The following SORBS2 variants were observed in gnomAD, a reference collection of about 807,000 sequenced individuals.
SORBS2 encodes the protein sorbin and SH3 domain-containing protein 2.
Under a neutral mutation model 97.7 loss-of-function variants are expected in SORBS2, and 46 were observed. That is an observed-to-expected ratio of 0.47 (90% CI 0.37 to 0.60). SORBS2 has a LOEUF of 0.60. SORBS2 is among the 20% of genes least tolerant of loss of function. SORBS2 has a pLI of 0.00. For missense variants in SORBS2, 1,316 were observed against 1,282.3 expected (o/e 1.03, Z -0.40); for synonymous variants, 476 against 473.4 (o/e 1.01, Z -0.07).
chr4:185,816,775 T>C (rs1373383605), intron 1 of SORBS2, among the ~76,000 whole-genome samples: 1 of 152,134 alleles, frequency 6.6e-6, no homozygotes, highest in East Asian at 1.9e-4. Flanking sequence ...ACTTATCAAA[T>C]GAATTTAAAA....
At chr4:185,823,327 A>G (rs972195824) in intron 1 of SORBS2, among the ~76,000 whole-genome samples, 2 of 152,242 alleles carry the variant, frequency 1.3e-5, no homozygotes, top group Non-Finnish European at 2.9e-5. Flanking sequence ...TGTTCACATT[A>G]TATTTTAAAT....
At chr4:185,711,366 G>A (rs2098419387) in intron 2 of SORBS2, among the ~76,000 whole-genome samples, 1 of 152,150 alleles carries the variant, frequency 6.6e-6, no homozygotes, top group Non-Finnish European at 1.5e-5. Flanking sequence ...TAGTAATTGT[G>A]TAACAGATCT....
Position 185,623,360 on chromosome 4 carries a change from C to T in SORBS2, c.1769G>A (p.Arg590Lys), listed in dbSNP as rs760601599. ...AAGGCCAGGGTCCATTTCTTGCCTT[C>T]TGGGCTCCTCGGTGTTTTCGTGTCT... The change falls in exon 7 of 15, where the codon AGA becomes AAA. Residue 590 changes from arginine (R) to lysine (K), a missense_variant. Coordinates refer to ENST00000418609, the Ensembl canonical transcript of SORBS2. The surrounding 1 kb of genome is among the most constrained non-coding windows in gnomAD (Gnocchi z 6.4). 79 of 1,613,710 alleles carry T rather than the reference C, an allele frequency of 4.9e-5. 2 individuals carry two copies. In the South Asian group the frequency reaches 8.1e-4, roughly 17 times the overall value.
In SORBS2 at chr4:185,606,838, G is replaced by A. The variant is rs1363113363; in HGVS notation, c.2796+4942C>T. The stretch of plus-strand genomic sequence containing the variant: ...ATCTTCCTCTCCAATGACCGGAAGG[G>A]GTACAGGCAAGGAACCCACGCTGGT... On this transcript the variant is annotated intron_variant, in intron 12 of 14. Transcript: ENST00000418609. This position sits in a 1 kb window ranked among gnomAD's most constrained non-coding sequence, Gnocchi z 4.3. 2.2e-5 allele frequency: 22 copies of A among 985,202 alleles called. No homozygotes were observed. Among genetic ancestry groups the A allele is most frequent in the Non-Finnish European group, 2.5e-5 (21 of 829,918 alleles). The allele number at this position is 985,202 out of a possible 1,614,324, so 61.0% of individuals were successfully genotyped here.
At chr4:185,719,427 TCAGTTTTGTGACATATAGAGTAA>T (rs2098493494) in intron 2 of SORBS2, among the ~76,000 whole-genome samples, 1 of 152,234 alleles carries the variant, frequency 6.6e-6, no homozygotes, top group African/African-American at 2.4e-5. Flanking sequence ...CATTTGGTTA[TCAGTTTTGTGACATATAGAGTAA>T]CAGTTATAAG....
At chr4:185,925,962 T>C (rs772644355) in intron 1 of SORBS2, among the ~76,000 whole-genome samples, 1 of 152,184 alleles carries the variant, frequency 6.6e-6, no homozygotes, top group African/African-American at 2.4e-5. Flanking sequence ...ATTTCTTTGA[T>C]GGAAGGGAGG....
intron 2 of SORBS2, among the ~76,000 whole-genome samples, chr4:185,748,095 G>A (rs572079633): frequency 6.6e-6 from 1 of 152,226 alleles, no homozygotes; most frequent in Admixed American, 6.5e-5. Flanking sequence ...TTTATTTAAG[G>A]TACATTTTGT....
At chr4:185,733,934 G>A (rs1276109446) in intron 2 of SORBS2, 165 bp downstream of exon 3, 1 of 152,330 alleles carries the variant, frequency 6.6e-6, no homozygotes, top group African/African-American at 2.4e-5. Flanking sequence ...GTACGTGAAC[G>A]TCAAGGAGAT....
intron 1 of SORBS2, among the ~76,000 whole-genome samples, chr4:185,846,012 T>C (rs946269006): frequency 2.6e-5 from 4 of 152,252 alleles, no homozygotes; most frequent in Admixed American, 2.0e-4. Context: ...CTGTTAAACA[T>C]AAACTTCATG....
chr4:185,623,610 C>A lies in SORBS2; in HGVS notation c.1519G>T (p.Val507Phe). The A allele has an allele frequency of 6.2e-7, 1 of 1,614,012 alleles. No homozygotes were observed. Among genetic ancestry groups the A allele is most frequent in the East Asian group, 2.2e-5 (1 of 44,872 alleles). Reference sequence around the variant, plus strand: ...ATGTAGTCACTGTGGTCGGACACAACCCCGTCCTGGTCGCTGTCGGAAAAC... The same window carrying A: ...ATGTAGTCACTGTGGTCGGACACAAACCCGTCCTGGTCGCTGTCGGAAAAC... The change falls in exon 7 of 15, where the codon GTT becomes TTT. Residue 507 changes from valine to phenylalanine, a missense_variant. Transcript: ENST00000418609. The surrounding 1 kb of genome is among the most constrained non-coding windows in gnomAD (Gnocchi z 6.4).
intron 2 of SORBS2, among the ~76,000 whole-genome samples, chr4:185,718,146 G>A (rs1169634369): frequency 7.2e-5 from 11 of 152,058 alleles, no homozygotes; most frequent in African/African-American, 2.7e-4. Flanking sequence ...CAGGAGAATC[G>A]CTTGAGCCTG....
At chr4:185,704,536 C>T (rs1051197340) in intron 2 of SORBS2, among the ~76,000 whole-genome samples, 50 of 152,054 alleles carry the variant, frequency 3.3e-4, no homozygotes, top group Admixed American at 3.3e-3. Context: ...CTAGGCTAGT[C>T]TCGAGTTCCT....
At chr4:185,878,270 C>T (rs2099234795) in intron 1 of SORBS2, among the ~76,000 whole-genome samples, 1 of 152,062 alleles carries the variant, frequency 6.6e-6, no homozygotes, top group African/African-American at 2.4e-5. Flanking sequence ...AGAGTGGAAA[C>T]GTGAAAAAGT....
intron 1 of SORBS2, among the ~76,000 whole-genome samples, chr4:185,889,540 A>G (rs2099241431): frequency 6.6e-6 from 1 of 152,104 alleles, no homozygotes. Context: ...TGTGGCCTGC[A>G]TATTGGATAT....
chr4:185,683,527 A>ATACATCCAAGAAAAAC (rs1326444496), intron 2 of SORBS2, among the ~76,000 whole-genome samples: 2 of 152,148 alleles, frequency 1.3e-5, no homozygotes, highest in East Asian at 3.9e-4. Context: ...TCCAAGGTAA[A>ATACATCCAAGAAAAAC]TACATCTGTA....
rs183891676 is a variant in SORBS2, at chr4:185,940,945, G to A, written c.-338+15251C>T. ...ATGGATAGAGACATTTTTGGTGGTCGTTACTGGGAGTTGCTACTGGCATCT... is the reference window on the plus strand; with the variant it reads ...ATGGATAGAGACATTTTTGGTGGTCATTACTGGGAGTTGCTACTGGCATCT... On this transcript the variant is annotated intron_variant, in intron 1 of 20. Transcript: ENST00000284776. Among the ~76,000 whole-genome samples, 83 of 152,210 alleles carry A rather than the reference G, an allele frequency of 5.5e-4. 1 individual carries two copies. The highest frequency in any genetic ancestry group is 1.9e-3 in the African/African-American group (79 of 41,544).
At chr4:185,609,229 A>G (rs913582423) in intron 12 of SORBS2, among the ~76,000 whole-genome samples, 2 of 152,206 alleles carry the variant, frequency 1.3e-5, no homozygotes, top group Admixed American at 1.3e-4. Flanking sequence ...AAGTTCCCTT[A>G]CTAGCTAGAG....
intron 3 of SORBS2, 64 bp from the exon 7 acceptor site, chr4:185,678,611 A>C: frequency 6.9e-7 from 1 of 1,442,296 alleles, no homozygotes; most frequent in East Asian, 2.5e-5. Flanking sequence ...TTTTTTATAA[A>C]ATTTATTTTT....
At chr4:185,702,860 C>G (rs556015733) in intron 2 of SORBS2, among the ~76,000 whole-genome samples, 1 of 152,114 alleles carries the variant, frequency 6.6e-6, no homozygotes, top group African/African-American at 2.4e-5. Flanking sequence ...ATTCAACCAA[C>G]AAACATTTGT....
Sources: gnomAD v4.1 joint callset for allele counts (sites outside exome capture counted in the v4.1 genomes callset) on GRCh38, gnomAD v4.1.1 for gene constraint, Gnocchi (gnomAD v3.1) non-coding constraint, MANE v1.5 for transcripts, NCBI Gene and HGNC (gene_info 2026-07-23, HGNC 2026-07-21) for gene names.